The following SOX6 variants were observed in gnomAD, a reference collection of about 807,000 sequenced individuals.
SOX6 encodes SRY-box transcription factor 6, also known as transcription factor SOX-6.
In SOX6, 11 loss-of-function variants were observed where a neutral mutation model predicts 97.8. The observed-to-expected ratio is 0.11, with a 90% CI of 0.07 to 0.19. SOX6 has a LOEUF of 0.19. Among genes scored for constraint, SOX6 ranks in the 10% least tolerant of loss-of-function variants. The pLI is 1.00. For missense variants in SOX6, 810 were observed against 1,039.5 expected (o/e 0.78, Z 3.04); for synonymous variants, 360 against 371.4 (o/e 0.97, Z 0.35).
intron 9 of SOX6, among the ~76,000 whole-genome samples, chr11:16,080,113 C>T (rs1287407844): frequency 1.3e-5 from 2 of 148,750 alleles, no homozygotes; most frequent in African/African-American, 2.5e-5. Flanking sequence ...ATTCTCATCA[C>T]ACCAAAAAAA....
intron 3 of SOX6, among the ~76,000 whole-genome samples, chr11:16,691,986 C>G (rs1176534414): frequency 2.0e-5 from 3 of 151,964 alleles, no homozygotes; most frequent in Non-Finnish European, 2.9e-5. Context: ...GTCCGTCTCT[C>G]TTTAAAAGAA....
intron 3 of SOX6, among the ~76,000 whole-genome samples, chr11:16,295,293 A>G (rs972032839): frequency 1.3e-5 from 2 of 152,054 alleles, no homozygotes; most frequent in Non-Finnish European, 2.9e-5. Context: ...CATTTTCATT[A>G]TTTTTGACAA....
At chr11:16,267,543 A>C (rs1854117357) in intron 3 of SOX6, among the ~76,000 whole-genome samples, 1 of 151,628 alleles carries the variant, frequency 6.6e-6, no homozygotes, top group African/African-American at 2.4e-5. Flanking sequence ...ACCAAAGATA[A>C]CCAGTGTTGG....
intron 4 of SOX6, among the ~76,000 whole-genome samples, chr11:16,216,833 G>T (rs1852387615): frequency 6.6e-6 from 1 of 152,116 alleles, no homozygotes; most frequent in Non-Finnish European, 1.5e-5. Flanking sequence ...CACAGAAAGA[G>T]ACTTGGGAAA....
intron 9 of SOX6, among the ~76,000 whole-genome samples, chr11:16,063,036 A>G (rs1332526263): frequency 1.3e-5 from 2 of 151,762 alleles, no homozygotes; most frequent in Non-Finnish European, 3.0e-5. Flanking sequence ...AGAAATGGAT[A>G]TAAAATTAGA....
chr11:16,305,122 T>C (rs1855385237), intron 3 of SOX6, among the ~76,000 whole-genome samples: 1 of 152,054 alleles, frequency 6.6e-6, no homozygotes, highest in Non-Finnish European at 1.5e-5. Flanking sequence ...GTAAAGAGGA[T>C]AACAGACAAG....
rs970339369 is a variant in SOX6 at position 16,226,332 on chromosome 11, T to C, written c.535+8250A>G. Among the ~76,000 whole-genome samples, 7 of 52,060 alleles carry C rather than the reference T, an allele frequency of 1.3e-4. No individual in the cohort carries two copies. The Admixed American group carries it at 1.5e-3, about 11-fold the overall frequency. 34.2% of individuals were successfully genotyped at this position (52,060 alleles called of 152,430 possible). A position where few individuals can be genotyped will look rare whatever the true frequency, so the allele number is the denominator to read the frequency against. ...CATAATTGTGTTTTTTTTGTTTTTG[T>C]TTTTGTTTTTTTTTTCTCTCTTATC... On this transcript the variant is annotated intron_variant, in intron 4 of 15. Coordinates refer to ENST00000683767, the MANE Select transcript of SOX6 (RefSeq NM_001367873.1).
At chr11:16,668,585 A>C (rs1190018549) in intron 3 of SOX6, among the ~76,000 whole-genome samples, 1 of 152,180 alleles carries the variant, frequency 6.6e-6, no homozygotes, top group African/African-American at 2.4e-5. Context: ...TACATAAACT[A>C]AACTTTCCAG....
chr11:16,517,522 A>G (rs892341431), intron 4 of SOX6, among the ~76,000 whole-genome samples: 5 of 152,200 alleles, frequency 3.3e-5, no homozygotes, highest in Non-Finnish European at 2.9e-5. Context: ...CATCATTATA[A>G]CCACTCAAAA....
chr11:16,727,158 T>C (rs1321848383), intron 2 of SOX6, among the ~76,000 whole-genome samples: 9 of 151,880 alleles, frequency 5.9e-5, no homozygotes, highest in Admixed American at 5.9e-4. Flanking sequence ...AACCATGGAG[T>C]CTACAACTGT....
chr11:16,086,840 A>G (rs1848588066), intron 9 of SOX6, among the ~76,000 whole-genome samples: 1 of 152,218 alleles, frequency 6.6e-6, no homozygotes, highest in Non-Finnish European at 1.5e-5. Flanking sequence ...GAAATTTGAA[A>G]AATACGTGAA....
chr11:16,136,541 T>C (rs1273977967), intron 6 of SOX6, among the ~76,000 whole-genome samples: 3 of 151,990 alleles, frequency 2.0e-5, no homozygotes, highest in Non-Finnish European at 4.4e-5. Context: ...GCTGGGAATA[T>C]AAGCACATGC....
At chr11:16,158,865 G>GGTGTGTGTGTGTGT (rs10549567) in intron 6 of SOX6, among the ~76,000 whole-genome samples, 6 of 146,006 alleles carry the variant, frequency 4.1e-5, no homozygotes, top group African/African-American at 1.5e-4. Context: ...TGAAGTTACA[G>GGTGTGTGTGTGTGT]GTGTGTGTGT....
At chr11:16,198,843 C>CT (rs1484056784) in intron 4 of SOX6, among the ~76,000 whole-genome samples, 1 of 152,178 alleles carries the variant, frequency 6.6e-6, no homozygotes, top group Non-Finnish European at 1.5e-5. Flanking sequence ...AGTTCAAAGC[C>CT]TTTGCTGTGA....
chr11:16,568,012 A>G (rs774708881), intron 4 of SOX6, among the ~76,000 whole-genome samples: 55 of 152,108 alleles, frequency 3.6e-4, no homozygotes, highest in Non-Finnish European at 7.3e-4. Context: ...ATGGATGGCT[A>G]AGATAGTGAC....
In SOX6 at chr11:15,972,674, A is replaced by T; in HGVS notation, c.*135T>A. ...AATCAGGGAAAACTTAATCTGTCTCACACTTTACGAAACAATTAAGACCAT... is the reference window on the plus strand; with the variant it reads ...AATCAGGGAAAACTTAATCTGTCTCTCACTTTACGAAACAATTAAGACCAT... On this transcript the variant is annotated 3_prime_UTR_variant, in exon 16 of 16. Coordinates refer to ENST00000683767, the MANE Select transcript of SOX6 (RefSeq NM_001367873.1). 1 of 941,514 alleles carries T rather than the reference A, an allele frequency of 1.1e-6. No individual in the cohort carries two copies. Among genetic ancestry groups the T allele is most frequent in the Non-Finnish European group, 1.7e-6 (1 of 601,682 alleles). 58.3% of individuals were successfully genotyped at this position (941,514 alleles called of 1,614,324 possible).
intron 10 of SOX6, among the ~76,000 whole-genome samples, chr11:16,054,509 G>A (rs190787645): frequency 9.2e-5 from 14 of 152,172 alleles, no homozygotes; most frequent in Admixed American, 3.3e-4. Context: ...CCTTTGGCTG[G>A]AACATAGACT....
At chr11:16,378,448 G>A (rs1305583517) in intron 1 of SOX6, among the ~76,000 whole-genome samples, 1 of 151,976 alleles carries the variant, frequency 6.6e-6, no homozygotes, top group Non-Finnish European at 1.5e-5. Context: ...CATAAAATAT[G>A]AATAATTAAA....
chr11:16,341,336 A>G, intron 1 of SOX6, 84 bp from the exon 2 acceptor site: 1 of 1,541,926 alleles, frequency 6.5e-7, no homozygotes, highest in Non-Finnish European at 8.7e-7. Context: ...AGTTCAGGAA[A>G]GAAGGAAAGT....
Sources: gnomAD v4.1 joint callset for allele counts (sites outside exome capture counted in the v4.1 genomes callset) on GRCh38, gnomAD v4.1.1 for gene constraint, MANE v1.5 for transcripts, NCBI Gene and HGNC (gene_info 2026-07-23, HGNC 2026-07-21) for gene names.